SHISA6: variants seen among roughly 807,000 people sequenced by gnomAD.
The protein encoded by SHISA6 is protein shisa-6.
Under a neutral mutation model 47.9 loss-of-function variants are expected in SHISA6, and 22 were observed. The observed-to-expected ratio is 0.46, with a 90% CI of 0.33 to 0.66. The LOEUF (loss-of-function observed/expected upper bound fraction) is 0.66, where lower values mean the gene tolerates loss of function less well. Ranked by LOEUF, SHISA6 falls within the 30% of genes least tolerant of loss-of-function variation. The pLI is 0.02. For synonymous variants in SHISA6, 388 were observed against 337.8 expected (o/e 1.15, Z -1.63); for missense variants, 680 against 764.6 (o/e 0.89, Z 1.30).
rs1340184292 is a variant in SHISA6, at chr17:11,303,729, C to T, written c.799+40203C>T. On this transcript the variant is annotated intron_variant, in intron 2 of 5. Coordinates refer to ENST00000441885, the MANE Select transcript of SHISA6 (RefSeq NM_207386.4). ...GTCCCAGTTGGCCATGCGTGTCACT[C>T]AAAGACCCTTCTCTGCCCTCAATAC... is the stretch of plus-strand genomic sequence containing the variant. 2.0e-5 allele frequency among the ~76,000 whole-genome samples: 3 copies of T among 152,194 alleles called. No individual in the cohort carries two copies. In the South Asian group the frequency reaches 6.2e-4, roughly 32 times the overall value.
intron 3 of SHISA6, among the ~76,000 whole-genome samples, chr17:11,486,568 G>C (rs1916353934): frequency 6.6e-6 from 1 of 152,200 alleles, no homozygotes; most frequent in Admixed American, 6.5e-5. Flanking sequence ...ATTGACAAAT[G>C]GGCGGTCAGA....
At position 11,558,500 on chromosome 17, in the gene SHISA6, C is replaced by T; in HGVS notation, c.*196C>T. The T allele has an allele frequency of 1.6e-6, 1 of 623,342 alleles. No individual in the cohort carries two copies. Among genetic ancestry groups the T allele is most frequent in the Non-Finnish European group, 2.8e-6 (1 of 358,912 alleles). The allele number at this position is 623,342 out of a possible 1,614,324, so 38.6% of individuals were successfully genotyped here. ...ATGGCCTGGTCCAATACACTTAGAC[C>T]CAGGACCAAGAGCAATCGCTCTTGC... On this transcript the variant is annotated 3_prime_UTR_variant, in exon 6 of 6. Coordinates refer to ENST00000441885, the MANE Select transcript of SHISA6 (RefSeq NM_207386.4).
At chr17:11,278,539 T>C (rs1017773344) in intron 2 of SHISA6, among the ~76,000 whole-genome samples, 1 of 152,184 alleles carries the variant, frequency 6.6e-6, no homozygotes, top group African/African-American at 2.4e-5. Context: ...ACTAGAACAT[T>C]TGTGAAAGTT....
intron 3 of SHISA6, among the ~76,000 whole-genome samples, chr17:11,431,881 G>T (rs1914786737): frequency 6.6e-6 from 1 of 152,208 alleles, no homozygotes; most frequent in Non-Finnish European, 1.5e-5. Context: ...AGCACTTGAA[G>T]AATTGGTTCT....
At chr17:11,256,493 C>G (rs1567551678) in intron 1 of SHISA6, among the ~76,000 whole-genome samples, 1 of 151,616 alleles carries the variant, frequency 6.6e-6, no homozygotes, top group Admixed American at 6.6e-5. Context: ...GAGACTCTAT[C>G]TCAAAAAACA....
At chr17:11,511,969 C>T (rs1369162262) in intron 3 of SHISA6, among the ~76,000 whole-genome samples, 1 of 152,226 alleles carries the variant, frequency 6.6e-6, no homozygotes, top group Non-Finnish European at 1.5e-5. Context: ...TCAAGAGACT[C>T]GGATTCTAGT....
chr17:11,467,709 T>C (rs1915846050), intron 3 of SHISA6, among the ~76,000 whole-genome samples: 1 of 152,212 alleles, frequency 6.6e-6, no homozygotes, highest in Admixed American at 6.5e-5. Context: ...AAAGGGCCTC[T>C]TCTTGTAGCT....
intron 3 of SHISA6, among the ~76,000 whole-genome samples, chr17:11,394,501 AT>A: frequency 6.6e-6 from 1 of 152,182 alleles, no homozygotes; most frequent in South Asian, 2.1e-4. Context: ...AATCATATAC[AT>A]TTTTGAACAC....
chr17:11,553,310 C>G (rs1177601863), intron 4 of SHISA6, among the ~76,000 whole-genome samples: 1 of 152,096 alleles, frequency 6.6e-6, no homozygotes, highest in East Asian at 1.9e-4. Flanking sequence ...GGGGGATGCC[C>G]ACAGTGATGA....
At chr17:11,252,122 C>T (rs889410118) in intron 1 of SHISA6, among the ~76,000 whole-genome samples, 1 of 152,124 alleles carries the variant, frequency 6.6e-6, no homozygotes, top group African/African-American at 2.4e-5. Context: ...AACACTTGGA[C>T]CCCTCCTTGC....
intron 2 of SHISA6, among the ~76,000 whole-genome samples, chr17:11,353,782 G>A (rs941180639): frequency 3.9e-5 from 6 of 152,172 alleles, no homozygotes; most frequent in Non-Finnish European, 7.3e-5. Context: ...GCTGTGAAAT[G>A]GAAGACATCA....
intron 2 of SHISA6, among the ~76,000 whole-genome samples, chr17:11,291,644 C>T (rs560297531): frequency 6.6e-6 from 1 of 151,966 alleles, no homozygotes; most frequent in Non-Finnish European, 1.5e-5. Flanking sequence ...AAAACAACAA[C>T]AACAACAACA....
chr17:11,339,877 C>G (rs1911464646), intron 2 of SHISA6, among the ~76,000 whole-genome samples: 1 of 152,106 alleles, frequency 6.6e-6, no homozygotes, highest in Non-Finnish European at 1.5e-5. Flanking sequence ...GAGAAAGACT[C>G]TCGAATAGAA....
intron 3 of SHISA6, among the ~76,000 whole-genome samples, chr17:11,446,990 C>T (rs777106144): frequency 2.6e-5 from 4 of 152,208 alleles, no homozygotes; most frequent in Non-Finnish European, 5.9e-5. Context: ...TAAGAACCTT[C>T]TCTCTGTGGT....
intron 3 of SHISA6, among the ~76,000 whole-genome samples, chr17:11,528,140 T>C (rs2071702012): frequency 1.3e-5 from 2 of 152,318 alleles, no homozygotes; most frequent in African/African-American, 2.4e-5. Context: ...GGCTACTCAA[T>C]AGTATTTACC....
intron 3 of SHISA6, among the ~76,000 whole-genome samples, chr17:11,499,416 A>G (rs1030792644): frequency 2.6e-5 from 4 of 151,550 alleles, no homozygotes; most frequent in Admixed American, 6.6e-5. Flanking sequence ...CACACACACA[A>G]CCTCTGCTTT....
intron 2 of SHISA6, among the ~76,000 whole-genome samples, chr17:11,378,787 T>G (rs1043195268): frequency 6.6e-6 from 1 of 152,212 alleles, no homozygotes; most frequent in South Asian, 2.1e-4. Flanking sequence ...TTCTCAGTAT[T>G]TTGTAACCAC....
intron 3 of SHISA6, among the ~76,000 whole-genome samples, chr17:11,415,807 T>C (rs1315583451): frequency 3.3e-5 from 5 of 152,208 alleles, no homozygotes; most frequent in African/African-American, 1.2e-4. Flanking sequence ...AAACTGTATT[T>C]CCTAGGAGAT....
intron 3 of SHISA6, among the ~76,000 whole-genome samples, chr17:11,490,607 T>C (rs1916451390): frequency 6.6e-6 from 1 of 152,142 alleles, no homozygotes; most frequent in South Asian, 2.1e-4. Context: ...TACTACGTTC[T>C]GGAGAAGTGC....
Sources: allele counts gnomAD v4.1 joint callset (sites outside exome capture counted in the v4.1 genomes callset), GRCh38; gene constraint gnomAD v4.1.1; transcripts MANE v1.5; gene names NCBI Gene and HGNC (gene_info 2026-07-23, HGNC 2026-07-21).